LRRC37A2: variants seen among roughly 807,000 people sequenced by gnomAD.
LRRC37A2 encodes leucine-rich repeat-containing protein 37A2.
LRRC37A2 carries 9 observed loss-of-function variants against 68.8 expected under a neutral mutation model. The ratio of observed to expected loss-of-function variants is 0.13; its 90% CI spans 0.08 to 0.23. The LOEUF (loss-of-function observed/expected upper bound fraction) is 0.23, where lower values mean the gene tolerates loss of function less well. Among genes scored for constraint, LRRC37A2 ranks in the 10% least tolerant of loss-of-function variants. LRRC37A2 has a pLI of 1.00. For missense variants in LRRC37A2, 168 were observed against 950.4 expected (o/e 0.18, Z 10.82); for synonymous variants, 63 against 367.6 (o/e 0.17, Z 9.48).
chr17:46,849,849 C>CTTTTTTTTTTTT, the LRRC37A2 span, among the ~76,000 whole-genome samples: 1 of 145,750 alleles, frequency 6.9e-6, no homozygotes. Context: ...CATTTAATAT[C>CTTTTTTTTTTTT]TTTTTTTTTT....
the LRRC37A2 span, among the ~76,000 whole-genome samples, chr17:46,781,845 T>C: frequency 6.6e-6 from 1 of 152,212 alleles, no homozygotes; most frequent in Non-Finnish European, 1.5e-5. Flanking sequence ...CCTCTTCCTC[T>C]ATACGGGAAG....
At chr17:46,679,881 G>T in the LRRC37A2 span, among the ~76,000 whole-genome samples, 1 of 149,866 alleles carries the variant, frequency 6.7e-6, no homozygotes, top group South Asian at 2.1e-4. Flanking sequence ...ATAATAAAAA[G>T]GTAATTTTAA....
the LRRC37A2 span, among the ~76,000 whole-genome samples, chr17:46,803,123 A>G: frequency 3.3e-3 from 505 of 152,366 alleles, 1 homozygote; most frequent in African/African-American, 0.012. Context: ...CTGCCGCAGA[A>G]TTGACAGCTT....
the LRRC37A2 span, among the ~76,000 whole-genome samples, chr17:46,398,300 C>T: frequency 6.6e-6 from 1 of 150,612 alleles, no homozygotes; most frequent in South Asian, 2.1e-4. Context: ...CTTTAGGTTA[C>T]TCCTAATTCA....
At chr17:46,979,014 G>A in the LRRC37A2 span, 1 of 1,399,098 alleles carries the variant, frequency 7.1e-7, no homozygotes, top group Non-Finnish European at 9.2e-7. Context: ...TCATCGCCGC[G>A]CGGCGCCGGG....
At chr17:46,992,581 G>A in the LRRC37A2 span, among the ~76,000 whole-genome samples, 3 of 151,988 alleles carry the variant, frequency 2.0e-5, no homozygotes, top group Non-Finnish European at 4.4e-5. Flanking sequence ...GGCCAGGTGC[G>A]GTGGCTCATG....
At chr17:46,849,111 A>C in the LRRC37A2 span, among the ~76,000 whole-genome samples, 1 of 152,206 alleles carries the variant, frequency 6.6e-6, no homozygotes, top group Non-Finnish European at 1.5e-5. Context: ...GAAACCTGGT[A>C]CAGTTCTAAC....
the LRRC37A2 span, among the ~76,000 whole-genome samples, chr17:46,925,052 C>T: frequency 6.6e-6 from 1 of 152,136 alleles, no homozygotes; most frequent in Non-Finnish European, 1.5e-5. Context: ...AATGGTACCC[C>T]AAACAAGGTG....
the LRRC37A2 span, among the ~76,000 whole-genome samples, chr17:46,822,954 G>C: frequency 6.6e-6 from 1 of 150,706 alleles, no homozygotes; most frequent in Non-Finnish European, 1.5e-5. Flanking sequence ...AGTTCCTCCT[G>C]TCTTAGCTCT....
At chr17:47,029,672 C>T in the LRRC37A2 span, among the ~76,000 whole-genome samples, 1 of 152,194 alleles carries the variant, frequency 6.6e-6, no homozygotes, top group Admixed American at 6.6e-5. Context: ...CACCAGAGAA[C>T]AGGCTCATTA....
At chr17:46,543,321 C>T (rs1279138841) in intron 8 of LRRC37A2, among the ~76,000 whole-genome samples, 1 of 150,422 alleles carries the variant, frequency 6.6e-6, no homozygotes, top group East Asian at 1.9e-4. Flanking sequence ...CTCAAGTATA[C>T]CTCAGGTCAT....
chr17:46,791,378 TGTATTTTTA>T, the LRRC37A2 span, among the ~76,000 whole-genome samples: 1 of 152,150 alleles, frequency 6.6e-6, no homozygotes, highest in Non-Finnish European at 1.5e-5. Context: ...TAAATTTTTT[TGTATTTTTA>T]GTAGAGACGG....
chr17:46,970,535 C>CAAAAAA, the LRRC37A2 span, among the ~76,000 whole-genome samples: 3 of 51,202 alleles, frequency 5.9e-5, no homozygotes, highest in African/African-American at 1.4e-4. Context: ...GACTCCATCT[C>CAAAAAA]AAAAAAAAAA....
chr17:46,684,443 T>TATA, the LRRC37A2 span, among the ~76,000 whole-genome samples: 2 of 152,080 alleles, frequency 1.3e-5, no homozygotes, highest in African/African-American at 4.8e-5. Context: ...CATGTGTCTT[T>TATA]ATAGTCGAAT....
chr17:46,922,131 C>A, the LRRC37A2 span, among the ~76,000 whole-genome samples: 1 of 152,210 alleles, frequency 6.6e-6, no homozygotes, highest in African/African-American at 2.4e-5. Flanking sequence ...GGCATATATA[C>A]ACCATGGAAT....
the LRRC37A2 span, among the ~76,000 whole-genome samples, chr17:46,973,813 G>A: frequency 2.1e-5 from 3 of 145,476 alleles, no homozygotes; most frequent in East Asian, 2.1e-4. Flanking sequence ...GTGTGCATGC[G>A]TGCGACACAT....
chr17:46,695,063 G>A, the LRRC37A2 span, among the ~76,000 whole-genome samples: 2 of 93,176 alleles, frequency 2.1e-5, no homozygotes, highest in Non-Finnish European at 4.2e-5. Context: ...TGGCTAACAC[G>A]GTGAAACCCC....
chr17:46,859,554 AT>A, the LRRC37A2 span, among the ~76,000 whole-genome samples: 1 of 152,200 alleles, frequency 6.6e-6, no homozygotes, highest in Admixed American at 6.5e-5. Flanking sequence ...TTTAAAAAAA[AT>A]TTTTCCCCAA....
chr17:46,858,476 T>C, the LRRC37A2 span, among the ~76,000 whole-genome samples: 1 of 151,114 alleles, frequency 6.6e-6, no homozygotes, highest in South Asian at 2.1e-4. Flanking sequence ...TTTTATTTTA[T>C]TTTATTTTAT....
Sources: gnomAD v4.1 joint callset for allele counts (sites outside exome capture counted in the v4.1 genomes callset) on GRCh38, gnomAD v4.1.1 for gene constraint, MANE v1.5 for transcripts, NCBI Gene and HGNC (gene_info 2026-07-23, HGNC 2026-07-21) for gene names.